The following MPHOSPH8 variants were observed in gnomAD, a reference collection of about 807,000 sequenced individuals.
MPHOSPH8 encodes the protein M-phase phosphoprotein 8.
MPHOSPH8 carries 45 observed loss-of-function variants against 87.3 expected under a neutral mutation model. That is an observed-to-expected ratio of 0.52 (90% confidence interval 0.41 to 0.66). The LOEUF is 0.66. Ranked by LOEUF, MPHOSPH8 falls within the 30% of genes least tolerant of loss-of-function variation. MPHOSPH8 has a pLI of 0.00. For synonymous variants in MPHOSPH8, 366 were observed against 376.9 expected, an observed-to-expected ratio of 0.97 and a Z score of 0.33; for missense variants, 883 against 1,020.2, an observed-to-expected ratio of 0.87 and a Z score of 1.83.
chr13:19,666,615 A>G (rs369302427), intron 10 of MPHOSPH8, 36 bp downstream of exon 10: 5 of 1,541,900 alleles, frequency 3.2e-6, no homozygotes, highest in African/African-American at 1.4e-5. Flanking sequence ...GTTAAGTCAC[A>G]TATCATACAT....
At chr13:19,661,877 G>C (rs765082760) in intron 8 of MPHOSPH8, 39 bp downstream of exon 8, 1 of 1,565,412 alleles carries the variant, frequency 6.4e-7, no homozygotes, top group South Asian at 1.2e-5. Context: ...GAGCTTTCAT[G>C]GTATTCCTGC....
rs149512649 is a variant in MPHOSPH8, at chr13:19,657,244, G to A, written c.1577-1751G>A. Reference sequence around the variant, plus strand: ...GAAAACAGTTTTAGGGTCCAGGCACGGTGGTTCACGCCTGTAATCCTAGCA... The same window carrying A: ...GAAAACAGTTTTAGGGTCCAGGCACAGTGGTTCACGCCTGTAATCCTAGCA... On this transcript the variant is annotated intron_variant, in intron 5 of 13. Transcript: ENST00000361479. Among the ~76,000 whole-genome samples, 8 of 151,598 alleles carry A rather than the reference G, an allele frequency of 5.3e-5. No homozygotes were observed. The South Asian group carries it at 1.0e-3, about 20-fold the overall frequency.
rs1366184589 is a variant in MPHOSPH8, at chr13:19,661,756, T to C, written c.1850T>C (p.Leu617Pro). 1 of 1,613,078 alleles carries C rather than the reference T, an allele frequency of 6.2e-7. No homozygotes were observed. The highest frequency in any genetic ancestry group is 1.7e-5 in the Admixed American group (1 of 59,894). Residue 617 changes from leucine (L) to proline (P), a missense_variant, in exon 8 of 14, where the codon CTG becomes CCG. Leu to Pro is a moderately conservative substitution (Grantham distance 98). Around this residue, in one of 3 missense-constraint regions of MPHOSPH8, gnomAD observed 741 missense variants for 841.5 expected, o/e 0.88. Coordinates refer to ENST00000361479, the MANE Select transcript of MPHOSPH8 (RefSeq NM_017520.4). ...GCCGCCGGAGGGCAGGACGACCTCC[T>C]GCGACTCCTCATCACAAAAGGCGCG... ...LAAAGGQDDL[L>P]RLLITKGAKV...
chr13:19,659,002 G>A lies in MPHOSPH8; in HGVS notation c.1584G>A (p.Arg528=). The change falls in exon 6 of 14, where the codon AGG becomes AGA. Residue 528 remains arginine (R), a synonymous_variant. Transcript: ENST00000361479. ...GGCTATTGTGTGTTCCAGATGGCAG[G>A]CAGCAGATTCTGAGTTTGGGCATGG... ...VCQADENSDG[R]QQILSLGMDL... 1 of 1,612,806 alleles carries A rather than the reference G, an allele frequency of 6.2e-7. No homozygotes were observed. The highest frequency in any genetic ancestry group is 8.5e-7 in the Non-Finnish European group (1 of 1,179,752).
intron 10 of MPHOSPH8, among the ~76,000 whole-genome samples, chr13:19,666,907 A>T (rs1875848695): frequency 6.6e-6 from 1 of 152,138 alleles, no homozygotes; most frequent in Non-Finnish European, 1.5e-5. Context: ...CACGCTTGTA[A>T]TCCTAGTACT....
At position 19,659,071 on chromosome 13, in the gene MPHOSPH8, C is replaced by T. The variant is rs749397901; in HGVS notation, c.1653C>T (p.His551=). Residue 551 remains histidine (H), a synonymous_variant, in exon 6 of 14, where the codon CAC becomes CAT. Coordinates refer to ENST00000361479, the MANE Select transcript of MPHOSPH8 (RefSeq NM_017520.4). ...TGAAGTTGGAAGATTTCCAAAAGCA[C>T]CTTGATGGGAAAGATGAGAATTTTG... ...EWMKLEDFQK[H]LDGKDENFAA... is the part of the protein sequence containing the mutation. 2.0e-5 allele frequency: 32 copies of T among 1,614,112 alleles called. 1 individual carries two copies. In the South Asian group the frequency reaches 2.2e-4, roughly 11 times the overall value.
In MPHOSPH8 at chr13:19,664,144, A is replaced by AT. The variant is rs540398529; in HGVS notation, c.2019+1026dup. The stretch of plus-strand genomic sequence containing the variant: ...CAGGTGCGAGCCACCACACCCAGCC[A>AT]TTTTTTTTCTTATTAGAGACAAGGT... On this transcript the variant is annotated intron_variant, in intron 9 of 13. Transcript: ENST00000361479. Among the ~76,000 whole-genome samples, 5 of 151,892 alleles carry AT rather than the reference A, an allele frequency of 3.3e-5. No individual in the cohort carries two copies. The South Asian group carries it at 1.0e-3, about 32-fold the overall frequency.
chr13:19,672,226 G>A lies in MPHOSPH8; in HGVS notation c.*351G>A, dbSNP rs1876171811. ...ATGGTGCGATCTCGGCTCACTGCAA[G>A]CTCTGCCTCCTGGGTTCAAGTGATT... is the stretch of plus-strand genomic sequence containing the variant. On this transcript the variant is annotated 3_prime_UTR_variant, in exon 14 of 14. Coordinates refer to ENST00000361479, the MANE Select transcript of MPHOSPH8 (RefSeq NM_017520.4). 5.0e-6 allele frequency: 1 copy of A among 198,948 alleles called. No homozygotes were observed. Among genetic ancestry groups the A allele is most frequent in the Non-Finnish European group, 1.0e-5 (1 of 95,686 alleles). The allele number at this position is 198,948 out of a possible 1,614,324, so 12.3% of individuals were successfully genotyped here.
chr13:19,644,131 G>C (rs1386267190), intron 2 of MPHOSPH8, among the ~76,000 whole-genome samples: 1 of 151,868 alleles, frequency 6.6e-6, no homozygotes. Flanking sequence ...TTTCTGTGTG[G>C]TTATCAATTT....
intron 11 of MPHOSPH8, among the ~76,000 whole-genome samples, chr13:19,669,078 T>C (rs1383594787): frequency 1.3e-5 from 2 of 152,154 alleles, no homozygotes; most frequent in African/African-American, 4.8e-5. Context: ...CTGTTCCCCA[T>C]TTTGTAAATG....
At position 19,635,797 on chromosome 13, in the gene MPHOSPH8, G is replaced by C. The variant is rs551877287; in HGVS notation, c.213+1836G>C. Among the ~76,000 whole-genome samples, 181 of 152,280 alleles carry C rather than the reference G, an allele frequency of 1.2e-3. 2 individuals are homozygous for C. Among genetic ancestry groups the C allele is most frequent in the African/African-American group, 4.2e-3 (174 of 41,548 alleles). On this transcript the variant is annotated intron_variant, in intron 1 of 13. Transcript: ENST00000361479. ...ATTAAAGATGATATGGTTTGGCTGT[G>C]TCCCCACCCAGAATCTCATCTTGAA...
intron 3 of MPHOSPH8, among the ~76,000 whole-genome samples, chr13:19,647,952 A>G (rs1199060587): frequency 6.6e-6 from 1 of 152,204 alleles, no homozygotes; most frequent in African/African-American, 2.4e-5. Flanking sequence ...ACAGCAAAAT[A>G]GAACAACTTA....
At chr13:19,655,971 A>G (rs1176836274) in intron 5 of MPHOSPH8, among the ~76,000 whole-genome samples, 2 of 152,114 alleles carry the variant, frequency 1.3e-5, no homozygotes, top group Non-Finnish European at 2.9e-5. Flanking sequence ...AATTAGGCGC[A>G]TGCCTGTAAT....
intron 2 of MPHOSPH8, among the ~76,000 whole-genome samples, chr13:19,643,649 A>G (rs976814260): frequency 3.3e-5 from 5 of 152,130 alleles, no homozygotes; most frequent in African/African-American, 1.2e-4. Context: ...GAAAACAAAT[A>G]TGGGTATTTT....
At chr13:19,639,552 A>C (rs987948794) in intron 1 of MPHOSPH8, among the ~76,000 whole-genome samples, 1 of 151,752 alleles carries the variant, frequency 6.6e-6, no homozygotes, top group African/African-American at 2.4e-5. Context: ...CTCGTGATCC[A>C]CCTGCCTCGG....
intron 11 of MPHOSPH8, among the ~76,000 whole-genome samples, chr13:19,669,168 TGAGA>T (rs986208640): frequency 6.6e-6 from 1 of 152,166 alleles, no homozygotes; most frequent in Non-Finnish European, 1.5e-5. Context: ...ATCTTAGTGT[TGAGA>T]GAACTTATCA....
At chr13:19,669,061 G>A (rs963862474) in intron 11 of MPHOSPH8, among the ~76,000 whole-genome samples, 1 of 152,126 alleles carries the variant, frequency 6.6e-6, no homozygotes, top group Non-Finnish European at 1.5e-5. Flanking sequence ...TTTTTGCTTA[G>A]AAACTCCTGT....
At chr13:19,662,672 A>G (rs1049208187) in intron 8 of MPHOSPH8, among the ~76,000 whole-genome samples, 3 of 152,266 alleles carry the variant, frequency 2.0e-5, no homozygotes, top group African/African-American at 7.2e-5. Context: ...AAATACTCTG[A>G]TTAAAGTACT....
chr13:19,668,642 T>A (rs538394832), intron 11 of MPHOSPH8, 111 bp downstream of exon 11: 1 of 1,228,548 alleles, frequency 8.1e-7, no homozygotes, highest in African/African-American at 1.5e-5. Flanking sequence ...TTCCATTACG[T>A]GTAATAATTC....
Sources: gnomAD v4.1 joint callset for allele counts (sites outside exome capture counted in the v4.1 genomes callset) on GRCh38, gnomAD v4.1.1 for gene constraint, gnomAD v4.1.1 regional missense constraint, MANE v1.5 for transcripts, NCBI Gene and HGNC (gene_info 2026-07-23, HGNC 2026-07-21) for gene names.